CYP7B1: variants seen among roughly 807,000 people sequenced by gnomAD.
CYP7B1 encodes the protein cytochrome P450 7B1.
A neutral mutation model predicts 42.7 loss-of-function variants in CYP7B1; 29 were observed. That is an observed-to-expected ratio of 0.68 (90% CI 0.51 to 0.93). The LOEUF is 0.93. Ranked by LOEUF, CYP7B1 falls within the 40% of genes least tolerant of loss-of-function variation. The pLI is 0.00. For missense variants in CYP7B1, 655 were observed against 600.5 expected (o/e 1.09, Z -0.95); for synonymous variants, 235 against 218.2 (o/e 1.08, Z -0.68).
rs149461156 is a variant in CYP7B1, at chr8:64,633,267, G to A, written c.123-8728C>T. Among the ~76,000 whole-genome samples, 1,368 of 152,230 alleles carry A rather than the reference G, an allele frequency of 9.0e-3. 9 individuals are homozygous for A. Among genetic ancestry groups the A allele is most frequent in the Non-Finnish European group, 0.014 (983 of 67,968 alleles). On this transcript the variant is annotated intron_variant, in intron 1 of 5. Coordinates refer to ENST00000310193, the MANE Select transcript of CYP7B1 (RefSeq NM_004820.5). ...TGAAAGTAGCTGATATACACAGCAG[G>A]ATTAGTTTTTCCCTGCTATTCATAT...
At chr8:64,796,602 C>T (rs1029565785) in intron 1 of CYP7B1, among the ~76,000 whole-genome samples, 3 of 152,158 alleles carry the variant, frequency 2.0e-5, no homozygotes, top group African/African-American at 4.8e-5. Flanking sequence ...AACAACTCCA[C>T]CATCTTACAT....
At chr8:64,774,727 C>T (rs536626091) in intron 1 of CYP7B1, among the ~76,000 whole-genome samples, 6 of 152,268 alleles carry the variant, frequency 3.9e-5, no homozygotes, top group African/African-American at 1.4e-4. Context: ...CTCACGGTTT[C>T]CCATTGCAGG....
intron 1 of CYP7B1, among the ~76,000 whole-genome samples, chr8:64,785,364 C>T (rs1029770962): frequency 1.4e-4 from 21 of 152,154 alleles, no homozygotes; most frequent in African/African-American, 5.1e-4. Flanking sequence ...GCATACTTAC[C>T]CAAACGAGTT....
At chr8:64,726,931 A>G (rs1807333504) in intron 1 of CYP7B1, among the ~76,000 whole-genome samples, 1 of 152,156 alleles carries the variant, frequency 6.6e-6, no homozygotes, top group South Asian at 2.1e-4. Flanking sequence ...ACAAGGGCAG[A>G]AAGTGGGAAG....
chr8:64,616,589 C>T (rs1002447077), intron 2 of CYP7B1, among the ~76,000 whole-genome samples: 2 of 152,162 alleles, frequency 1.3e-5, no homozygotes, highest in African/African-American at 4.8e-5. Context: ...TAAATATTCT[C>T]ATAATCCCCT....
chr8:64,768,261 G>T (rs1490763488), intron 1 of CYP7B1, among the ~76,000 whole-genome samples: 1 of 151,938 alleles, frequency 6.6e-6, no homozygotes, highest in Non-Finnish European at 1.5e-5. Flanking sequence ...CAATGATCGG[G>T]ATATAAACCC....
At chr8:64,726,151 A>C (rs1333450910) in intron 1 of CYP7B1, among the ~76,000 whole-genome samples, 1 of 152,208 alleles carries the variant, frequency 6.6e-6, no homozygotes. Context: ...TAGGATAAGA[A>C]ACCTTCTTCT....
chr8:64,780,407 A>G (rs1804402019), intron 1 of CYP7B1, among the ~76,000 whole-genome samples: 1 of 152,244 alleles, frequency 6.6e-6, no homozygotes, highest in Non-Finnish European at 1.5e-5. Context: ...GGATGAAGTT[A>G]TGAGGAGAAA....
At chr8:64,711,618 CT>C (rs935716704) in intron 1 of CYP7B1, among the ~76,000 whole-genome samples, 4 of 152,190 alleles carry the variant, frequency 2.6e-5, no homozygotes, top group African/African-American at 9.7e-5. Context: ...TCAGGTAGTT[CT>C]TCAGAAAGCT....
intron 1 of CYP7B1, among the ~76,000 whole-genome samples, chr8:64,669,206 A>T (rs932260247): frequency 8.5e-5 from 13 of 152,160 alleles, no homozygotes; most frequent in Non-Finnish European, 1.9e-4. Context: ...TGTTGATGGC[A>T]TGGGGCAAAT....
chr8:64,595,661 T>A lies in CYP7B1; in HGVS notation c.*981A>T, dbSNP rs920265789. ...TGAATTATTGACACAATGCTGCATG[T>A]GTCATATGAAATTACACTGCATTAC... On this transcript the variant is annotated 3_prime_UTR_variant, in exon 6 of 6. Transcript: ENST00000310193. Among the ~76,000 whole-genome samples the A allele has an allele frequency of 6.6e-6, 1 of 152,192 alleles. No individual in the cohort carries two copies. Among genetic ancestry groups the A allele is most frequent in the Admixed American group, 6.5e-5 (1 of 15,280 alleles).
intron 1 of CYP7B1, among the ~76,000 whole-genome samples, chr8:64,722,119 C>G (rs1201983428): frequency 6.6e-6 from 1 of 152,214 alleles, no homozygotes; most frequent in East Asian, 1.9e-4. Flanking sequence ...TTGGCCAAAG[C>G]TGCCATACAT....
intron 4 of CYP7B1, among the ~76,000 whole-genome samples, chr8:64,612,317 A>G (rs889165210): frequency 1.3e-5 from 2 of 152,144 alleles, no homozygotes; most frequent in Middle Eastern, 3.4e-3. Context: ...GAAACCTTAT[A>G]TCTACTTATT....
intron 1 of CYP7B1, among the ~76,000 whole-genome samples, chr8:64,650,276 A>G (rs1806018278): frequency 6.6e-6 from 1 of 152,260 alleles, no homozygotes. Context: ...GAATCAAATA[A>G]TATACAGATT....
intron 1 of CYP7B1, among the ~76,000 whole-genome samples, chr8:64,634,827 G>A (rs939049904): frequency 1.3e-5 from 2 of 152,168 alleles, no homozygotes; most frequent in African/African-American, 2.4e-5. Flanking sequence ...AGTAGACACT[G>A]AGGTTTAGCT....
At chr8:64,730,881 T>C (rs117425349) in intron 1 of CYP7B1, among the ~76,000 whole-genome samples, 2,653 of 151,696 alleles carry the variant, frequency 0.017, 29 homozygotes, top group Middle Eastern at 0.027. Context: ...TTGTGGGAGG[T>C]GATTAGATCA....
chr8:64,647,072 G>A (rs1281227281), intron 1 of CYP7B1, among the ~76,000 whole-genome samples: 1 of 152,108 alleles, frequency 6.6e-6, no homozygotes, highest in Non-Finnish European at 1.5e-5. Context: ...ACACTTAAAG[G>A]CCACTGTAGG....
intron 1 of CYP7B1, among the ~76,000 whole-genome samples, chr8:64,780,027 T>C (rs1392967286): frequency 6.6e-6 from 1 of 152,168 alleles, no homozygotes; most frequent in Admixed American, 6.6e-5. Context: ...CTTCAGTTAC[T>C]GTGTGCAGTT....
intron 1 of CYP7B1, among the ~76,000 whole-genome samples, chr8:64,722,498 A>G (rs903554785): frequency 4.0e-5 from 6 of 149,810 alleles, no homozygotes; most frequent in African/African-American, 1.5e-4. Context: ...ATTAGCTACT[A>G]GAAAAAATCT....
Sources: gnomAD v4.1 joint callset for allele counts (sites outside exome capture counted in the v4.1 genomes callset) on GRCh38, gnomAD v4.1.1 for gene constraint, MANE v1.5 for transcripts, NCBI Gene and HGNC (gene_info 2026-07-23, HGNC 2026-07-21) for gene names.